Variants in PCDHGA5 observed in about 807,000 individuals in gnomAD.
The protein encoded by PCDHGA5 is protocadherin gamma subfamily A, 5.
PCDHGA5 carries 36 observed loss-of-function variants against 56.7 expected under a neutral mutation model. The ratio of observed to expected loss-of-function variants is 0.64; its 90% confidence interval spans 0.49 to 0.84. The LOEUF (loss-of-function observed/expected upper bound fraction) is 0.84. Among genes scored for constraint, PCDHGA5 ranks in the 40% least tolerant of loss-of-function variants. PCDHGA5 has a pLI of 0.00. For missense variants in PCDHGA5, 1,305 were observed against 1,201.5 expected (o/e 1.09, Z -1.27); for synonymous variants, 563 against 520.2 (o/e 1.08, Z -1.12).
At chr5:141,371,593 A>G in intron 1 of PCDHGA5, 1 of 1,613,972 alleles carries the variant, frequency 6.2e-7, no homozygotes, top group Non-Finnish European at 8.5e-7. Context: ...GATACCAAAA[A>G]CACATACAGG....
chr5:141,372,622 A>G lies in PCDHGA5; in HGVS notation c.2421+5871A>G, dbSNP rs1231771489. The G allele has an allele frequency of 6.2e-7, 1 of 1,613,952 alleles. No homozygotes were observed. The highest frequency in any genetic ancestry group is 1.6e-4 in the Middle Eastern group (1 of 6,062). On this transcript the variant is annotated intron_variant, in intron 1 of 3. Transcript: ENST00000518069. ...ACTGTACCTGGAGTTCTCCCCACCT[A>G]CAGCGAAAGGACTTTGCCTTATTCC...
At chr5:141,450,642 A>C (rs2098688710) in intron 1 of PCDHGA5, among the ~76,000 whole-genome samples, 1 of 151,504 alleles carries the variant, frequency 6.6e-6, no homozygotes, top group Non-Finnish European at 1.5e-5. Context: ...GCCTGCCACC[A>C]TGCCTGGCTA....
chr5:141,465,043 T>C (rs1404714692), intron 1 of PCDHGA5, among the ~76,000 whole-genome samples: 2 of 152,030 alleles, frequency 1.3e-5, no homozygotes, highest in Non-Finnish European at 2.9e-5. Context: ...CAAATGACCC[T>C]ATATATTTTT....
chr5:141,473,235 C>T (rs1322325327), intron 1 of PCDHGA5, among the ~76,000 whole-genome samples: 1 of 152,132 alleles, frequency 6.6e-6, no homozygotes, highest in Non-Finnish European at 1.5e-5. Flanking sequence ...TGGATCCACA[C>T]AAGTGAATAC....
intron 1 of PCDHGA5, among the ~76,000 whole-genome samples, chr5:141,460,612 T>C (rs1215147315): frequency 6.6e-6 from 1 of 152,128 alleles, no homozygotes; most frequent in African/African-American, 2.4e-5. Flanking sequence ...GTTAGATGGA[T>C]AGATAGACAG....
chr5:141,364,522 C>G lies in PCDHGA5; in HGVS notation c.192C>G (p.Val64=), dbSNP rs1763375621. 1 of 1,613,942 alleles carries G rather than the reference C, an allele frequency of 6.2e-7. No homozygotes were observed. Among genetic ancestry groups the G allele is most frequent in the Non-Finnish European group, 8.5e-7 (1 of 1,179,922 alleles). Residue 64 remains valine (V), a synonymous_variant, in exon 1 of 4, where the codon GTC becomes GTG. Coordinates refer to ENST00000518069, the MANE Select transcript of PCDHGA5 (RefSeq NM_018918.3). ...CCCAGGAGCTGGCGGAGCGCGGAGT[C>G]CGCATCGTCTCCAGAGGTAGGACGC... ...LEPQELAERG[V]RIVSRGRTQL...
rs1441582051 is a variant in PCDHGA5, at chr5:141,487,416, G to A, written c.2422-7391G>A. 1 of 1,614,088 alleles carries A rather than the reference G, an allele frequency of 6.2e-7. No individual in the cohort carries two copies. Among genetic ancestry groups the A allele is most frequent in the Admixed American group, 1.7e-5 (1 of 60,024 alleles). On this transcript the variant is annotated intron_variant, in intron 1 of 3. Coordinates refer to ENST00000518069, the MANE Select transcript of PCDHGA5 (RefSeq NM_018918.3). The surrounding 1 kb of genome is among the most constrained non-coding windows in gnomAD (Gnocchi z 5.0). ...AGGGAGGGGCTTCCCCCTTCCAATGGGATCCTCCGAATCCAGCTAGGGTCA... is the reference window on the plus strand; with the variant it reads ...AGGGAGGGGCTTCCCCCTTCCAATGAGATCCTCCGAATCCAGCTAGGGTCA...
chr5:141,482,288 C>G (rs1413786764), intron 1 of PCDHGA5, among the ~76,000 whole-genome samples: 1 of 152,078 alleles, frequency 6.6e-6, no homozygotes, highest in Non-Finnish European at 1.5e-5. Context: ...GTCTTTTAAT[C>G]TCTTTAAACT....
chr5:141,408,782 T>G (rs1561715407), intron 1 of PCDHGA5: 1 of 1,612,108 alleles, frequency 6.2e-7, no homozygotes, highest in East Asian at 2.2e-5. Flanking sequence ...ATACCCAGAG[T>G]TATCTCTGGA....
At chr5:141,427,365 TG>T (rs1391779401) in intron 1 of PCDHGA5, 2 of 457,804 alleles carry the variant, frequency 4.4e-6, no homozygotes, top group Non-Finnish European at 8.8e-6. Flanking sequence ...CGCAGAACCC[TG>T]GACGGTGATC....
rs758982878 is a variant in PCDHGA5, at chr5:141,366,077, G to A, written c.1747G>A (p.Glu583Lys). 1.9e-6 allele frequency: 3 copies of A among 1,614,248 alleles called. No individual in the cohort carries two copies. The South Asian group carries it at 3.3e-5, about 18-fold the overall frequency. Reference protein sequence around the residue: ...TGVELAPRSAEPGYLVTKVVA... With the variant: ...TGVELAPRSAKPGYLVTKVVA... ...CGTGGAGCTGGCGCCTCGCTCCGCA[G>A]AACCTGGCTACCTGGTGACCAAGGT... Residue 583 changes from glutamate to lysine, a missense_variant, in exon 1 of 4, where the codon GAA (glutamate) becomes AAA (lysine). By Grantham distance (56) the Glu-to-Lys change is moderately conservative. Coordinates refer to ENST00000518069, the MANE Select transcript of PCDHGA5 (RefSeq NM_018918.3).
intron 1 of PCDHGA5, chr5:141,415,367 CT>C (rs2095859649): frequency 6.2e-7 from 1 of 1,614,118 alleles, no homozygotes; most frequent in African/African-American, 1.3e-5. Flanking sequence ...CTGCTGCAGG[CT>C]TCAGGAGGCG....
Position 141,489,934 on chromosome 5 carries a change from G to A in PCDHGA5, c.2422-4873G>A, listed in dbSNP as rs777780708. 1.7e-5 allele frequency: 28 copies of A among 1,614,176 alleles called. No homozygotes were observed. Among genetic ancestry groups the A allele is most frequent in the East Asian group, 6.7e-5 (3 of 44,876 alleles). On this transcript the variant is annotated intron_variant, in intron 1 of 3. Coordinates refer to ENST00000518069, the MANE Select transcript of PCDHGA5 (RefSeq NM_018918.3). This position sits in a 1 kb window ranked among gnomAD's most constrained non-coding sequence, Gnocchi z 4.5. ...AGGGACCACCCTTATCTCTGTCATCGTGCTGGACATCAATGATAATGCTCC... is the reference window on the plus strand; with the variant it reads ...AGGGACCACCCTTATCTCTGTCATCATGCTGGACATCAATGATAATGCTCC...
At chr5:141,392,728 G>T in intron 1 of PCDHGA5, 1 of 1,407,730 alleles carries the variant, frequency 7.1e-7, no homozygotes, top group Non-Finnish European at 9.3e-7. Context: ...CCGGAGGATT[G>T]TCATCTCCAT....
At chr5:141,405,472 T>G in intron 1 of PCDHGA5, 1 of 1,056,196 alleles carries the variant, frequency 9.5e-7, no homozygotes, top group Non-Finnish European at 1.4e-6. Context: ...CAGGCTGGAA[T>G]GCAGTGGTGT....
At chr5:141,453,288 A>T (rs931678565) in intron 1 of PCDHGA5, among the ~76,000 whole-genome samples, 18 of 151,342 alleles carry the variant, frequency 1.2e-4, no homozygotes, top group Admixed American at 3.3e-4. Context: ...TAATTTTTTA[A>T]TTATTTATTT....
At chr5:141,388,906 A>G (rs943139475) in intron 1 of PCDHGA5, 5 of 1,613,898 alleles carry the variant, frequency 3.1e-6, no homozygotes, top group African/African-American at 2.7e-5. Flanking sequence ...GAAAATGACA[A>G]CGCCCCAGAA....
intron 1 of PCDHGA5, among the ~76,000 whole-genome samples, chr5:141,462,839 T>C (rs1020663897): frequency 8.5e-5 from 13 of 152,228 alleles, no homozygotes; most frequent in Non-Finnish European, 1.5e-4. Context: ...GTAAATGTTA[T>C]ATTTTTGAGT....
intron 1 of PCDHGA5, among the ~76,000 whole-genome samples, chr5:141,454,932 C>T (rs945154196): frequency 1.3e-5 from 2 of 150,768 alleles, no homozygotes; most frequent in African/African-American, 2.4e-5. Context: ...CTCAGCCTCC[C>T]GAGTAGCTGG....
Sources: gnomAD v4.1 joint callset for allele counts (sites outside exome capture counted in the v4.1 genomes callset) on GRCh38, gnomAD v4.1.1 for gene constraint, Gnocchi (gnomAD v3.1) non-coding constraint, MANE v1.5 for transcripts, NCBI Gene and HGNC (gene_info 2026-07-23, HGNC 2026-07-21) for gene names.